The following ZNF705G variants were observed in gnomAD, a reference collection of about 807,000 sequenced individuals.
The protein encoded by ZNF705G is zinc finger protein 705G, also known as putative zinc finger protein 705G.
ZNF705G carries 23 observed loss-of-function variants against 19.6 expected under a neutral mutation model. The observed-to-expected ratio is 1.17, with a 90% CI of 0.84 to 1.66. The LOEUF is 1.66. Among genes scored for constraint, ZNF705G ranks in the 40% most tolerant of loss-of-function variants. The pLI, the probability that ZNF705G is intolerant of heterozygous loss-of-function variation, is 0.00. For synonymous variants in ZNF705G, 146 were observed against 117.7 expected, an observed-to-expected ratio of 1.24 and a Z score of -1.56; for missense variants, 457 against 354.4, an observed-to-expected ratio of 1.29 and a Z score of -2.32.
At position 7,355,933 on chromosome 8, in the gene ZNF705G, A is replaced by G. The variant is rs991215064; in HGVS notation, c.*2043T>C. 6.7e-5 allele frequency: 10 copies of G among 149,660 alleles called. No individual in the cohort carries two copies. The highest frequency in any genetic ancestry group is 5.9e-5 in the Non-Finnish European group (4 of 68,036). The allele number at this position is 149,660 out of a possible 1,614,324, so 9.3% of individuals were successfully genotyped here. A position where few individuals can be genotyped will look rare whatever the true frequency, so the allele number is the denominator to read the frequency against. The stretch of plus-strand genomic sequence containing the variant: ...CTGCAGAGTAAAATCAATCACTTGT[A>G]GAGATTTTAAAATATAATGATGTGT... On this transcript the variant is annotated 3_prime_UTR_variant, in exon 7 of 7. Transcript: ENST00000400156.
chr8:7,369,394 G>T (rs1197040185), intron 2 of ZNF705G, among the ~76,000 whole-genome samples: 1 of 149,318 alleles, frequency 6.7e-6, no homozygotes, highest in Non-Finnish European at 1.5e-5. Context: ...CCCCCACAGA[G>T]TCCACACTGG....
rs184966881 is a variant in ZNF705G, at chr8:7,365,770, C to T, written c.-71-2753G>A. On this transcript the variant is annotated intron_variant, in intron 2 of 6. Transcript: ENST00000400156. ...TAAAAATTAAGAGGCCGACTTGTGA[C>T]TTCCTAGCCCTTTCACGGCTATTTA... Among the ~76,000 whole-genome samples, 66 of 149,666 alleles carry T rather than the reference C, an allele frequency of 4.4e-4. 2 individuals are homozygous for T. Among genetic ancestry groups the T allele is most frequent in the Admixed American group, 3.1e-3 (48 of 15,242 alleles).
chr8:7,379,517 T>A (rs1211910202), intron 2 of ZNF705G, among the ~76,000 whole-genome samples: 1 of 146,984 alleles, frequency 6.8e-6, no homozygotes. Flanking sequence ...AAGTAGATAA[T>A]CATACCTTGA....
rs1216368032 is a variant in ZNF705G at position 7,357,698 on chromosome 8, T to C, written c.*278A>G. ...ATTGATGTGGACTGAAGAATAAAGG[T>C]AACTGAAGTATCTTCCATGTTGATT... is the stretch of plus-strand genomic sequence containing the variant. On this transcript the variant is annotated 3_prime_UTR_variant, in exon 7 of 7. Transcript: ENST00000400156. 2.9e-5 allele frequency: 17 copies of C among 576,786 alleles called. No homozygotes were observed. The highest frequency in any genetic ancestry group is 4.4e-5 in the Non-Finnish European group (15 of 338,518). 35.7% of individuals were successfully genotyped at this position (576,786 alleles called of 1,614,324 possible). A position where few individuals can be genotyped will look rare whatever the true frequency, so the allele number is the denominator to read the frequency against.
Position 7,361,389 on chromosome 8 carries a change from G to C in ZNF705G, c.13-153C>G, listed in dbSNP as rs1435678858. Among the ~76,000 whole-genome samples the C allele has an allele frequency of 2.0e-5, 3 of 149,628 alleles. No homozygotes were observed. In the East Asian group the frequency reaches 5.8e-4, roughly 29 times the overall value. On this transcript the variant is annotated intron_variant, in intron 3 of 6. Transcript: ENST00000400156. ...CATTCTCAGTACTAAGCTGGTATCTGCCTTTCAGATTCACTCACAGAGATA... is the reference window on the plus strand; with the variant it reads ...CATTCTCAGTACTAAGCTGGTATCTCCCTTTCAGATTCACTCACAGAGATA...
At chr8:7,368,753 G>A (rs1220774295) in intron 2 of ZNF705G, among the ~76,000 whole-genome samples, 7 of 149,870 alleles carry the variant, frequency 4.7e-5, no homozygotes, top group Admixed American at 1.3e-4. Context: ...GCTGGGCCCA[G>A]TGCAAGCACA....
chr8:7,359,565 T>A (rs55661827), intron 6 of ZNF705G, 54 bp downstream of exon 6: 1 of 1,539,486 alleles, frequency 6.5e-7, no homozygotes, highest in African/African-American at 1.5e-5. Flanking sequence ...ACTAACTTAA[T>A]CCATTAACAT....
chr8:7,358,692 T>C (rs1339348980), intron 6 of ZNF705G, 132 bp from the exon 7 acceptor site: 13 of 1,449,924 alleles, frequency 9.0e-6, no homozygotes, highest in Non-Finnish European at 1.2e-5. Flanking sequence ...GTTTCTTGTG[T>C]GAAAGGAAAT....
chr8:7,356,682 G>A lies in ZNF705G; in HGVS notation c.*1294C>T, dbSNP rs1160960626. On this transcript the variant is annotated 3_prime_UTR_variant, in exon 7 of 7. Transcript: ENST00000400156. ...GAGGAAAGAGCTGTTGAAGACTGGG[G>A]AGACTCAGAAGTTGGGGTAGAATCT... The A allele has an allele frequency of 1.3e-5, 2 of 149,614 alleles. No homozygotes were observed. The highest frequency in any genetic ancestry group is 2.9e-5 in the Non-Finnish European group (2 of 68,050). 9.3% of individuals were successfully genotyped at this position (149,614 alleles called of 1,614,324 possible).
rs565415120 is a variant in ZNF705G at position 7,358,665 on chromosome 8, G to C, written c.319-105C>G. On this transcript the variant is annotated intron_variant, in intron 6 of 6. Coordinates refer to ENST00000400156, the MANE Select transcript of ZNF705G (RefSeq NM_001164457.3). ...ACCAACCATTCAGTGGTAGACCCCAGTTGAAAGCTTTCCAATGTTTCTTGT... is the reference window on the plus strand; with the variant it reads ...ACCAACCATTCAGTGGTAGACCCCACTTGAAAGCTTTCCAATGTTTCTTGT... 6.3e-4 allele frequency: 954 copies of C among 1,521,112 alleles called. 25 individuals carry two copies. In the South Asian group the frequency reaches 0.011, roughly 18 times the overall value. The allele number at this position is 1,521,112 out of a possible 1,614,324, so 94.2% of individuals were successfully genotyped here.
intron 2 of ZNF705G, among the ~76,000 whole-genome samples, chr8:7,363,970 T>C (rs555676537): frequency 4.7e-5 from 7 of 149,638 alleles, no homozygotes; most frequent in African/African-American, 2.6e-5. Flanking sequence ...GTTTCTCTCC[T>C]GTGTATACAG....
chr8:7,359,284 C>A (rs1394231729), intron 6 of ZNF705G, among the ~76,000 whole-genome samples: 5 of 149,632 alleles, frequency 3.3e-5, no homozygotes, highest in African/African-American at 5.1e-5. Context: ...TCTCGATTGA[C>A]AATTGCATAC....
rs528261145 is a variant in ZNF705G, at chr8:7,381,952, G to A, written c.-221-351C>T. On this transcript the variant is annotated intron_variant, in intron 1 of 6. Transcript: ENST00000400156. ...TGGATCTTTTTTGAAATAATTTTGG[G>A]TAACTAATACTTAAATCCAGAAGCA... is the stretch of plus-strand genomic sequence containing the variant. Among the ~76,000 whole-genome samples, 26 of 152,238 alleles carry A rather than the reference G, an allele frequency of 1.7e-4. No individual in the cohort carries two copies. The South Asian group carries it at 4.4e-3, about 26-fold the overall frequency.
intron 4 of ZNF705G, among the ~76,000 whole-genome samples, chr8:7,360,601 G>A (rs1165330477): frequency 2.7e-4 from 40 of 149,470 alleles, no homozygotes; most frequent in Admixed American, 2.0e-3. Flanking sequence ...AAGACGCAAT[G>A]CATAATACAC....
chr8:7,365,720 T>C (rs1806826090), intron 2 of ZNF705G, among the ~76,000 whole-genome samples: 1 of 149,458 alleles, frequency 6.7e-6, no homozygotes, highest in African/African-American at 2.6e-5. Context: ...TCCTCAATAT[T>C]ACCTTAATAT....
chr8:7,369,331 C>T (rs1261423316), intron 2 of ZNF705G, among the ~76,000 whole-genome samples: 2 of 149,530 alleles, frequency 1.3e-5, no homozygotes, highest in Non-Finnish European at 2.9e-5. Context: ...GGGGTGGAGA[C>T]TTCATGGCAA....
intron 1 of ZNF705G, 87 bp downstream of exon 1, chr8:7,385,411 T>G (rs1807680770): frequency 6.7e-6 from 1 of 148,920 alleles, no homozygotes; most frequent in African/African-American, 2.6e-5. Context: ...TCTACATTCC[T>G]GTCTCCTACA....
At chr8:7,360,982 T>C in intron 4 of ZNF705G, 128 bp downstream of exon 4, 5 of 1,546,870 alleles carry the variant, frequency 3.2e-6, no homozygotes, top group Non-Finnish European at 4.3e-6. Flanking sequence ...TTCAAACCTT[T>C]TTCAGATGAG....
intron 2 of ZNF705G, among the ~76,000 whole-genome samples, chr8:7,367,487 A>G (rs1806910124): frequency 6.7e-6 from 1 of 149,484 alleles, no homozygotes. Flanking sequence ...CGGAAAAGGA[A>G]AGAAAGCTTC....
Sources: gnomAD v4.1 joint callset for allele counts (sites outside exome capture counted in the v4.1 genomes callset) on GRCh38, gnomAD v4.1.1 for gene constraint, MANE v1.5 for transcripts, NCBI Gene and HGNC (gene_info 2026-07-23, HGNC 2026-07-21) for gene names.